Variants in SLC11A2 observed in about 807,000 individuals in gnomAD.
SLC11A2 encodes natural resistance-associated macrophage protein 2.
SLC11A2 carries 38 observed loss-of-function variants against 68.0 expected under a neutral mutation model. That is an observed-to-expected ratio of 0.56 (90% CI 0.43 to 0.73). The LOEUF is 0.73. SLC11A2 is among the 30% of genes least tolerant of loss of function. The pLI, the probability that SLC11A2 is intolerant of heterozygous loss-of-function variation, is 0.00. For synonymous variants in SLC11A2, 242 were observed against 250.6 expected, an observed-to-expected ratio of 0.97 and a Z score of 0.32; for missense variants, 517 against 690.5, an observed-to-expected ratio of 0.75 and a Z score of 2.82.
At chr12:50,992,429 G>GAT in intron 12 of SLC11A2, 90 bp from the exon 13 acceptor site, 1 of 1,259,700 alleles carries the variant, frequency 7.9e-7, no homozygotes, top group Non-Finnish European at 1.1e-6. Context: ...AGAAGAATGG[G>GAT]ATTAAGAAGT....
chr12:51,028,862 C>T (rs560358291), upstream of SLC11A2, among the ~76,000 whole-genome samples: 7 of 152,086 alleles, frequency 4.6e-5, no homozygotes, highest in Admixed American at 1.3e-4. Context: ...CACGCAAACT[C>T]CGGACTTGGT....
chr12:50,975,940 A>G (rs547505766), downstream of SLC11A2, among the ~76,000 whole-genome samples: 3 of 152,326 alleles, frequency 2.0e-5, no homozygotes, highest in Middle Eastern at 3.4e-3. Flanking sequence ...AGACTAAACC[A>G]GGAAGAAGTT....
chr12:51,011,474 A>G (rs1196266606), intron 1 of SLC11A2, among the ~76,000 whole-genome samples: 1 of 151,822 alleles, frequency 6.6e-6, no homozygotes, highest in Admixed American at 6.6e-5. Flanking sequence ...CTGCTAGGCA[A>G]GTATCCATTC....
At chr12:51,026,063 C>A (rs981647647) in intron 1 of SLC11A2, 4 of 1,098,436 alleles carry the variant, frequency 3.6e-6, no homozygotes, top group Non-Finnish European at 4.5e-6. Context: ...GCGAGACCCC[C>A]GCGACCTCCG....
intron 1 of SLC11A2, among the ~76,000 whole-genome samples, chr12:51,020,442 T>G (rs2136402580): frequency 6.6e-6 from 1 of 152,236 alleles, no homozygotes; most frequent in East Asian, 1.9e-4. Flanking sequence ...GCCCCTGTGG[T>G]AAGTATTCAT....
At position 50,995,649 on chromosome 12, in the gene SLC11A2, C is replaced by G. The variant is rs1941635407; in HGVS notation, c.970G>C (p.Gly324Arg). The G allele has an allele frequency of 6.2e-7, 1 of 1,613,914 alleles. No homozygotes were observed. Among genetic ancestry groups the G allele is most frequent in the African/African-American group, 1.3e-5 (1 of 74,898 alleles). The part of the protein sequence containing the change: ...VVSVFAEAFF[G>R]KTNEQVVEVC... ...CTCACCACCTGCTCGTTGGTTTTCCCAAAAAATGCTTCAGCAAAGACTGAG... is the reference window on the plus strand; with the variant it reads ...CTCACCACCTGCTCGTTGGTTTTCCGAAAAAATGCTTCAGCAAAGACTGAG... The change falls in exon 10 of 16, where the codon GGG becomes CGG. Residue 324 changes from glycine (G) to arginine (R), a missense_variant. Transcript: ENST00000262052.
the SLC11A2 span, chr12:50,970,473 T>A: frequency 6.5e-7 from 1 of 1,532,564 alleles, no homozygotes; most frequent in Non-Finnish European, 8.9e-7. Flanking sequence ...AGGATTACAT[T>A]AGACCACGAT....
At chr12:50,958,281 T>C in the SLC11A2 span, among the ~76,000 whole-genome samples, 1 of 134,344 alleles carries the variant, frequency 7.4e-6, no homozygotes, top group Admixed American at 7.2e-5. Context: ...GCTAAAATAA[T>C]CTTTTTTTTT....
chr12:51,020,440 G>A (rs903914527), intron 1 of SLC11A2, among the ~76,000 whole-genome samples: 1 of 152,120 alleles, frequency 6.6e-6, no homozygotes, highest in African/African-American at 2.4e-5. Flanking sequence ...AAGCCCCTGT[G>A]GTAAGTATTC....
downstream of SLC11A2, among the ~76,000 whole-genome samples, chr12:50,984,344 G>A (rs1178234999): frequency 5.3e-5 from 8 of 152,110 alleles, no homozygotes; most frequent in Non-Finnish European, 1.2e-4. Flanking sequence ...TTTAGGACAT[G>A]GAAACAGCTC....
chr12:50,999,692 T>G lies in SLC11A2; in HGVS notation c.537-277A>C, dbSNP rs1027546216. ...CTCATGGAGTTAGACAGATAGAATT[T>G]TATAGGATTAGATAGATAGTATCTA... On this transcript the variant is annotated intron_variant, in intron 6 of 15. Coordinates refer to ENST00000262052, the MANE Select transcript of SLC11A2 (RefSeq NM_000617.3). The G allele has an allele frequency of 1.8e-5, 8 of 454,734 alleles. No homozygotes were observed. In the East Asian group the frequency reaches 2.3e-4, roughly 13 times the overall value. 28.2% of individuals were successfully genotyped at this position (454,734 alleles called of 1,614,324 possible). A position where few individuals can be genotyped will look rare whatever the true frequency, so the allele number is the denominator to read the frequency against.
At chr12:51,011,558 TTTTG>T (rs1018433047) in intron 1 of SLC11A2, among the ~76,000 whole-genome samples, 1 of 149,584 alleles carries the variant, frequency 6.7e-6, no homozygotes, top group African/African-American at 2.5e-5. Flanking sequence ...AGTTGTTTTT[TTTTG>T]TTTTTTTTTT....
intron 3 of SLC11A2, among the ~76,000 whole-genome samples, chr12:51,006,954 A>G (rs1165169709): frequency 6.6e-6 from 1 of 151,952 alleles, no homozygotes; most frequent in African/African-American, 2.4e-5. Flanking sequence ...ACATTGCCCA[A>G]GCTGGTTGGT....
chr12:51,019,978 G>A (rs182474611), intron 1 of SLC11A2, among the ~76,000 whole-genome samples: 2 of 152,204 alleles, frequency 1.3e-5, no homozygotes, highest in African/African-American at 2.4e-5. Flanking sequence ...GCTCCCATTC[G>A]AGGTGTGGGG....
chr12:51,002,295 C>A (rs1020725506), intron 5 of SLC11A2, among the ~76,000 whole-genome samples: 1 of 152,040 alleles, frequency 6.6e-6, no homozygotes, highest in Non-Finnish European at 1.5e-5. Flanking sequence ...GTATAGTGAG[C>A]CATGATTGTG....
At chr12:50,989,422 C>G (rs1343283742) in intron 15 of SLC11A2, among the ~76,000 whole-genome samples, 1 of 152,118 alleles carries the variant, frequency 6.6e-6, no homozygotes, top group Non-Finnish European at 1.5e-5. Context: ...ACCCAGGAGG[C>G]AGAGGTTGCA....
At chr12:50,992,455 G>T in intron 12 of SLC11A2, 116 bp from the exon 13 acceptor site, 5 of 959,082 alleles carry the variant, frequency 5.2e-6, no homozygotes, top group Non-Finnish European at 8.1e-6. Context: ...AAGGGGCCAG[G>T]CGCAGTGGCT....
chr12:50,964,019 A>G, the SLC11A2 span, among the ~76,000 whole-genome samples: 1 of 152,352 alleles, frequency 6.6e-6, no homozygotes, highest in East Asian at 1.9e-4. Flanking sequence ...TCTTTGGATG[A>G]TGATGATTCC....
downstream of SLC11A2, chr12:50,985,950 A>C: frequency 8.7e-7 from 1 of 1,144,118 alleles, no homozygotes; most frequent in Non-Finnish European, 1.1e-6. Context: ...TAACCCTATT[A>C]ATAAATTATT....
Sources: allele counts gnomAD v4.1 joint callset (sites outside exome capture counted in the v4.1 genomes callset), GRCh38; gene constraint gnomAD v4.1.1; transcripts MANE v1.5; gene names NCBI Gene and HGNC (gene_info 2026-07-23, HGNC 2026-07-21).